The following BARX2 variants were observed in gnomAD, a reference collection of about 807,000 sequenced individuals.
The protein encoded by BARX2 is homeobox protein BarH-like 2.
BARX2 carries 11 observed loss-of-function variants against 25.5 expected under a neutral mutation model. The observed-to-expected ratio is 0.43, with a 90% CI of 0.27 to 0.71. BARX2 has a LOEUF of 0.71. Ranked by LOEUF, BARX2 falls within the 30% of genes least tolerant of loss-of-function variation. The pLI, the probability that BARX2 is intolerant of heterozygous loss-of-function variation, is 0.19. For synonymous variants in BARX2, 137 were observed against 149.5 expected (o/e 0.92, Z 0.61); for missense variants, 360 against 359.9 (o/e 1.00, Z 0.00).
intron 1 of BARX2, among the ~76,000 whole-genome samples, chr11:129,407,817 C>T (rs76374578): frequency 0.025 from 3,802 of 151,864 alleles, 100 homozygotes; most frequent in East Asian, 0.1. Flanking sequence ...TCATCAAACA[C>T]GGAGGAAAGG....
At chr11:129,441,732 G>A (rs960459113) in intron 2 of BARX2, among the ~76,000 whole-genome samples, 7 of 152,226 alleles carry the variant, frequency 4.6e-5, no homozygotes, top group Non-Finnish European at 7.3e-5. Context: ...TTACAGGCAT[G>A]AGCCACTGTG....
rs116698215 is a variant in BARX2, at chr11:129,386,062, G to A, written c.187+9840G>A. Among the ~76,000 whole-genome samples, 185 of 152,346 alleles carry A rather than the reference G, an allele frequency of 1.2e-3. 1 individual carries two copies. The highest frequency in any genetic ancestry group is 4.3e-3 in the African/African-American group (180 of 41,596). On this transcript the variant is annotated intron_variant, in intron 1 of 3. Coordinates refer to ENST00000281437, the MANE Select transcript of BARX2 (RefSeq NM_003658.5). Reference sequence around the variant, plus strand: ...TGGATCTTACTAACCTTGCCTGGCTGATTGAGGGTATTATTTATCACCAAG... The same window carrying A: ...TGGATCTTACTAACCTTGCCTGGCTAATTGAGGGTATTATTTATCACCAAG...
At chr11:129,378,566 T>TC (rs1467822168) in intron 1 of BARX2, among the ~76,000 whole-genome samples, 11 of 43,534 alleles carry the variant, frequency 2.5e-4, no homozygotes, top group South Asian at 1.0e-3. Flanking sequence ...TCTTTTTCTT[T>TC]TTTTTTTTTT....
intron 1 of BARX2, among the ~76,000 whole-genome samples, chr11:129,384,586 A>G (rs1463200819): frequency 1.3e-5 from 2 of 152,222 alleles, no homozygotes; most frequent in African/African-American, 4.8e-5. Context: ...AGCAATATCT[A>G]AGGGAGCTGA....
At chr11:129,432,517 A>C (rs981698577) in intron 1 of BARX2, among the ~76,000 whole-genome samples, 3 of 151,554 alleles carry the variant, frequency 2.0e-5, no homozygotes, top group African/African-American at 7.3e-5. Flanking sequence ...GAATGGGCTA[A>C]AGAGCCCCCC....
intron 3 of BARX2, among the ~76,000 whole-genome samples, chr11:129,450,348 G>A (rs1027634813): frequency 2.0e-5 from 3 of 152,200 alleles, no homozygotes; most frequent in Non-Finnish European, 2.9e-5. Context: ...TCATGATCCT[G>A]CAAACAAGGT....
chr11:129,386,511 G>T (rs1861617666), intron 1 of BARX2, among the ~76,000 whole-genome samples: 1 of 152,170 alleles, frequency 6.6e-6, no homozygotes, highest in Admixed American at 6.5e-5. Context: ...TTAAAAGTTT[G>T]TTCAATATAT....
rs555956054 is a variant in BARX2, at chr11:129,402,141, G to A, written c.187+25919G>A. Among the ~76,000 whole-genome samples the A allele has an allele frequency of 1.2e-3, 178 of 152,072 alleles. 1 individual carries two copies. The highest frequency in any genetic ancestry group is 4.1e-3 in the African/African-American group (172 of 41,480). On this transcript the variant is annotated intron_variant, in intron 1 of 3. Coordinates refer to ENST00000281437, the MANE Select transcript of BARX2 (RefSeq NM_003658.5). ...AGGTGAAATGACTGCCATTTTAGAG[G>A]TGTGAAGCTTGGCTTTCCATCCAAC...
intron 1 of BARX2, among the ~76,000 whole-genome samples, chr11:129,406,479 A>G (rs1861831753): frequency 6.6e-6 from 1 of 152,262 alleles, no homozygotes; most frequent in Non-Finnish European, 1.5e-5. Context: ...AATAAGGCAC[A>G]GTTCCAGCTT....
chr11:129,443,135 C>T (rs1862283235), intron 3 of BARX2, among the ~76,000 whole-genome samples: 1 of 150,452 alleles, frequency 6.6e-6, no homozygotes. Flanking sequence ...TTTCTGTTTC[C>T]TTAGAAATCA....
At chr11:129,409,772 G>A (rs1442297103) in intron 1 of BARX2, among the ~76,000 whole-genome samples, 1 of 152,080 alleles carries the variant, frequency 6.6e-6, no homozygotes, top group African/African-American at 2.4e-5. Flanking sequence ...CTGCATTTTG[G>A]TGAGTCTTTT....
intron 1 of BARX2, among the ~76,000 whole-genome samples, chr11:129,392,612 G>A (rs1207815755): frequency 6.6e-6 from 1 of 151,782 alleles, no homozygotes; most frequent in South Asian, 2.1e-4. Flanking sequence ...CTTTTTTTTT[G>A]TTTGATTCTT....
chr11:129,434,135 T>C (rs1408031082), intron 1 of BARX2, among the ~76,000 whole-genome samples: 3 of 152,138 alleles, frequency 2.0e-5, no homozygotes, highest in African/African-American at 7.2e-5. Flanking sequence ...AAATCATAGT[T>C]TTAAAGAATA....
At position 129,451,462 on chromosome 11, in the gene BARX2, G is replaced by T; in HGVS notation, c.*60G>T. ...GAGAAGGGAAAAGAGAGAAGGCAGG[G>T]AGAGTAGGGAGAGAAAACCTTCCAG... On this transcript the variant is annotated 3_prime_UTR_variant, in exon 4 of 4. Transcript: ENST00000281437. 1.9e-6 allele frequency: 3 copies of T among 1,553,368 alleles called. No homozygotes were observed. Among genetic ancestry groups the T allele is most frequent in the Non-Finnish European group, 2.6e-6 (3 of 1,145,840 alleles).
chr11:129,404,059 T>C (rs191998790), intron 1 of BARX2, among the ~76,000 whole-genome samples: 26 of 152,358 alleles, frequency 1.7e-4, no homozygotes, highest in African/African-American at 5.5e-4. Flanking sequence ...AAAGATTTCA[T>C]GAAAAATAAT....
intron 2 of BARX2, among the ~76,000 whole-genome samples, chr11:129,439,708 GAC>G (rs1197660871): frequency 6.6e-6 from 1 of 152,168 alleles, no homozygotes; most frequent in Admixed American, 6.5e-5. Flanking sequence ...AGATGATGGA[GAC>G]AGGTCTGTGA....
intron 3 of BARX2, among the ~76,000 whole-genome samples, chr11:129,447,214 A>T (rs1455179047): frequency 6.6e-6 from 1 of 152,192 alleles, no homozygotes; most frequent in African/African-American, 2.4e-5. Flanking sequence ...CTGCACTGAC[A>T]TTCCCTGCCC....
chr11:129,449,037 C>G (rs995141427), intron 3 of BARX2, among the ~76,000 whole-genome samples: 1 of 151,990 alleles, frequency 6.6e-6, no homozygotes, highest in East Asian at 1.9e-4. Flanking sequence ...GTGGGCAGAT[C>G]GGGTAGGGGC....
At chr11:129,450,295 TGAAAG>T (rs1172105980) in intron 3 of BARX2, among the ~76,000 whole-genome samples, 1 of 152,232 alleles carries the variant, frequency 6.6e-6, no homozygotes, top group Non-Finnish European at 1.5e-5. Context: ...TGATCATTGT[TGAAAG>T]TTTAGAAAAT....
Sources: allele counts gnomAD v4.1 joint callset (sites outside exome capture counted in the v4.1 genomes callset), GRCh38; gene constraint gnomAD v4.1.1; transcripts MANE v1.5; gene names NCBI Gene and HGNC (gene_info 2026-07-23, HGNC 2026-07-21).